ZYG11B: variants seen among roughly 807,000 people sequenced by gnomAD.
ZYG11B encodes zyg-11 family member B, cell cycle regulator, also known as protein zyg-11 homolog B.
Under a neutral mutation model 82.4 loss-of-function variants are expected in ZYG11B, and 36 were observed. The ratio of observed to expected loss-of-function variants is 0.44; its 90% CI spans 0.33 to 0.58. The LOEUF is 0.58. ZYG11B is among the 20% of genes least tolerant of loss of function. The pLI, the probability that ZYG11B is intolerant of heterozygous loss-of-function variation, is 0.02. For missense variants in ZYG11B, 552 were observed against 895.6 expected (o/e 0.62, Z 4.90); for synonymous variants, 303 against 312.8 (o/e 0.97, Z 0.33).
intron 8 of ZYG11B, among the ~76,000 whole-genome samples, chr1:52,797,695 G>A (rs1178913065): frequency 6.6e-6 from 1 of 150,446 alleles, no homozygotes; most frequent in African/African-American, 2.4e-5. Context: ...ATTTTTAGTA[G>A]AGTCAGGGTT....
intron 10 of ZYG11B, among the ~76,000 whole-genome samples, chr1:52,806,045 TTC>T (rs58298668): frequency 0.037 from 5,659 of 152,234 alleles, 327 homozygotes; most frequent in African/African-American, 0.13. Context: ...TTCCATATTT[TTC>T]TCTGTTACCT....
intron 1 of ZYG11B, among the ~76,000 whole-genome samples, chr1:52,741,176 T>G (rs1434038083): frequency 6.6e-6 from 1 of 151,338 alleles, no homozygotes; most frequent in African/African-American, 2.4e-5. Flanking sequence ...CATGCACCTG[T>G]AATCCCAGCT....
chr1:52,803,139 C>CAT (rs1321965313), intron 10 of ZYG11B, among the ~76,000 whole-genome samples: 448 of 44,098 alleles, frequency 0.01, 54 homozygotes, highest in African/African-American at 0.051. Flanking sequence ...TATATACACA[C>CAT]ATATATATAT....
At chr1:52,797,954 C>G (rs1358857022) in intron 8 of ZYG11B, among the ~76,000 whole-genome samples, 2 of 150,914 alleles carry the variant, frequency 1.3e-5, no homozygotes, top group African/African-American at 4.9e-5. Flanking sequence ...AATGGGACTC[C>G]TTCTCTACCA....
rs1225997964 is a variant in ZYG11B, at chr1:52,756,636, A to G, written c.196+13A>G. The G allele has an allele frequency of 6.3e-7, 1 of 1,590,848 alleles. No homozygotes were observed. Among genetic ancestry groups the G allele is most frequent in the Non-Finnish European group, 8.6e-7 (1 of 1,166,430 alleles). On this transcript the variant is annotated intron_variant, in intron 2 of 13. Transcript: ENST00000294353. The stretch of plus-strand genomic sequence containing the variant: ...ATGGCTTTTCATGGTAAAAAAATAA[A>G]CAGAGGAAACAAAAATTATGTGCTG...
At chr1:52,766,623 T>C (rs1390186130) in intron 2 of ZYG11B, among the ~76,000 whole-genome samples, 7 of 152,186 alleles carry the variant, frequency 4.6e-5, no homozygotes, top group Admixed American at 4.6e-4. Context: ...ATGAGACTTT[T>C]CTGTTTTAGT....
rs114188485 is a variant in ZYG11B, at chr1:52,764,781, C to T, written c.197-6239C>T. Among the ~76,000 whole-genome samples, 562 of 152,178 alleles carry T rather than the reference C, an allele frequency of 3.7e-3. 3 individuals are homozygous for T. The highest frequency in any genetic ancestry group is 0.013 in the African/African-American group (541 of 41,506). On this transcript the variant is annotated intron_variant, in intron 2 of 13. Transcript: ENST00000294353. ...TAATAAAGGAAGGGAGATGTTTTAA[C>T]TTGGATGATCAGAGAAAGCTTCTAA...
chr1:52,813,671 T>A lies in ZYG11B; in HGVS notation c.1831T>A (p.Ser611Thr). 6.2e-7 allele frequency: 1 copy of A among 1,614,154 alleles called. No homozygotes were observed. The highest frequency in any genetic ancestry group is 1.1e-5 in the South Asian group (1 of 91,088). ...AGCTGGAATTATTGCCCATTTAATA[T>A]CCAGAGGTGAACAAGCTTGGACATT... is the stretch of plus-strand genomic sequence containing the variant. ...FAAGIIAHLISRGEQAWTLSR... is the reference protein window; with the variant it reads ...FAAGIIAHLITRGEQAWTLSR... The change falls in exon 11 of 14, where the codon TCC becomes ACC. Residue 611 changes from serine (S) to threonine (T), a missense_variant. Transcript: ENST00000294353.
chr1:52,726,465 C>A lies in ZYG11B; in HGVS notation c.-189C>A. The A allele has an allele frequency of 2.0e-6, 1 of 496,534 alleles. No individual in the cohort carries two copies. The highest frequency in any genetic ancestry group is 3.1e-6 in the Non-Finnish European group (1 of 318,290). 30.8% of individuals were successfully genotyped at this position (496,534 alleles called of 1,614,324 possible). On this transcript the variant is annotated 5_prime_UTR_variant, in exon 1 of 14. The change creates a new upstream start codon in the 5' untranslated region. Transcript: ENST00000294353. ...TCCTCGCGGGGGCGGAGTCTGCGCTCTGGTTCGGGCTGCGGCTGCGGCTGC... is the reference window on the plus strand; with the variant it reads ...TCCTCGCGGGGGCGGAGTCTGCGCTATGGTTCGGGCTGCGGCTGCGGCTGC...
intron 1 of ZYG11B, among the ~76,000 whole-genome samples, chr1:52,728,708 A>C (rs919616000): frequency 3.9e-5 from 6 of 152,164 alleles, no homozygotes; most frequent in African/African-American, 1.4e-4. Flanking sequence ...GAGAGGGAGG[A>C]GTTATGAACT....
At chr1:52,814,419 C>T (rs770241982) in intron 12 of ZYG11B, among the ~76,000 whole-genome samples, 3 of 152,198 alleles carry the variant, frequency 2.0e-5, no homozygotes, top group Non-Finnish European at 4.4e-5. Flanking sequence ...AAGACAAGTG[C>T]TAGGAATTTG....
chr1:52,796,740 A>G lies in ZYG11B; in HGVS notation c.1441A>G (p.Thr481Ala), dbSNP rs750047571. 1.3e-6 allele frequency: 2 copies of G among 1,599,234 alleles called. No individual in the cohort carries two copies. Among genetic ancestry groups the G allele is most frequent in the South Asian group, 2.2e-5 (2 of 89,004 alleles). Reference sequence around the variant, plus strand: ...GTTTTTTACTTGCTTGCAGCTTTCTACAGAACAAACTGCACAGCTTGGTAC... The same window carrying G: ...GTTTTTTACTTGCTTGCAGCTTTCTGCAGAACAAACTGCACAGCTTGGTAC... ...IISILAAKLS[T>A]EQTAQLGTEL... The change falls in exon 8 of 14, where the codon ACA becomes GCA. Residue 481 changes from threonine (T) to alanine (A), a missense_variant. By Grantham distance (58) the Thr-to-Ala change is moderately conservative. Coordinates refer to ENST00000294353, the MANE Select transcript of ZYG11B (RefSeq NM_024646.3).
chr1:52,739,974 GT>G (rs1373550497), intron 1 of ZYG11B, among the ~76,000 whole-genome samples: 1 of 152,140 alleles, frequency 6.6e-6, no homozygotes, highest in Non-Finnish European at 1.5e-5. Context: ...TAGTCAAGAG[GT>G]TTAGCTTCAA....
At chr1:52,819,614 C>T (rs536832631) in intron 13 of ZYG11B, among the ~76,000 whole-genome samples, 3 of 151,812 alleles carry the variant, frequency 2.0e-5, no homozygotes, top group South Asian at 2.1e-4. Context: ...GGTGAAACCC[C>T]ATCTCTACTA....
At chr1:52,769,828 C>T (rs1015520097) in intron 2 of ZYG11B, among the ~76,000 whole-genome samples, 3 of 152,128 alleles carry the variant, frequency 2.0e-5, no homozygotes, top group Non-Finnish European at 2.9e-5. Context: ...ATTTACCTGT[C>T]CTCAACTGCT....
At chr1:52,783,563 A>G (rs1019111155) in intron 4 of ZYG11B, among the ~76,000 whole-genome samples, 1 of 151,092 alleles carries the variant, frequency 6.6e-6, no homozygotes, top group Non-Finnish European at 1.5e-5. Context: ...TACATGTGGT[A>G]ATGAGAATCT....
intron 2 of ZYG11B, among the ~76,000 whole-genome samples, chr1:52,758,816 C>A (rs2149931282): frequency 6.6e-6 from 1 of 152,232 alleles, no homozygotes; most frequent in South Asian, 2.1e-4. Flanking sequence ...GGGTAAATTT[C>A]TGTATTATAT....
In ZYG11B at chr1:52,779,995, T is replaced by A; in HGVS notation, c.1092+2T>A. ...AAAACAAAGCCAGAAATTTTAAAGGTAAGAATAAGAAACTGGATATGAAAT... is the reference window on the plus strand; with the variant it reads ...AAAACAAAGCCAGAAATTTTAAAGGAAAGAATAAGAAACTGGATATGAAAT... On this transcript the variant is annotated splice_donor_variant, in intron 4 of 13. Transcript: ENST00000294353. LOFTEE classifies it high-confidence loss of function. The A allele has an allele frequency of 6.2e-7, 1 of 1,609,654 alleles. No individual in the cohort carries two copies. The highest frequency in any genetic ancestry group is 8.5e-7 in the Non-Finnish European group (1 of 1,178,802).
intron 13 of ZYG11B, among the ~76,000 whole-genome samples, chr1:52,818,212 C>G (rs1481703617): frequency 6.6e-6 from 1 of 151,964 alleles, no homozygotes; most frequent in Non-Finnish European, 1.5e-5. Flanking sequence ...ATGGCTCATC[C>G]CTATAATCCC....
Sources: allele counts gnomAD v4.1 joint callset (sites outside exome capture counted in the v4.1 genomes callset), GRCh38; gene constraint gnomAD v4.1.1; transcripts MANE v1.5; gene names NCBI Gene and HGNC (gene_info 2026-07-23, HGNC 2026-07-21).